Variants in TXNDC15 observed in about 807,000 individuals in gnomAD.
The protein encoded by TXNDC15 is thioredoxin domain-containing protein 15.
TXNDC15 carries 24 observed loss-of-function variants against 35.0 expected under a neutral mutation model. The observed-to-expected ratio is 0.68, with a 90% CI of 0.50 to 0.96. The LOEUF (loss-of-function observed/expected upper bound fraction) is 0.96, where lower values mean the gene tolerates loss of function less well. TXNDC15 is among the 40% of genes least tolerant of loss of function. TXNDC15 has a pLI of 0.00. For synonymous variants in TXNDC15, 169 were observed against 174.0 expected (o/e 0.97, Z 0.23); for missense variants, 385 against 453.3 (o/e 0.85, Z 1.37).
rs764903775 is a variant in TXNDC15, at chr5:134,893,493, A to G, written c.593A>G (p.Asp198Gly). 1.2e-6 allele frequency: 2 copies of G among 1,614,036 alleles called. No individual in the cohort carries two copies. The highest frequency in any genetic ancestry group is 8.5e-7 in the Non-Finnish European group (1 of 1,179,994). The change falls in exon 3 of 5, where the codon GAC becomes GGC. Residue 198 changes from aspartate (D) to glycine (G), a missense_variant and splice_region_variant. Transcript: ENST00000358387. ...FTLKILNMSQ[D>G]LMDFLNPNGS... ...TAATGCTTGTTTCTTTTACCACAGG[A>G]CCTTATGGATTTTCTGAACCCAAAC...
At chr5:134,890,003 C>A (rs1750356624) in intron 2 of TXNDC15, among the ~76,000 whole-genome samples, 1 of 152,030 alleles carries the variant, frequency 6.6e-6, no homozygotes, top group African/African-American at 2.4e-5. Context: ...GCTGACTGAT[C>A]AGGATGGTAG....
chr5:134,896,165 A>G, intron 3 of TXNDC15, 129 bp from the exon 4 acceptor site: 1 of 1,138,862 alleles, frequency 8.8e-7, no homozygotes. Context: ...CAAAAGTTTC[A>G]AGTATCAGAA....
chr5:134,874,615 G>C, intron 1 of TXNDC15, 85 bp downstream of exon 1: 1 of 1,115,274 alleles, frequency 9.0e-7, no homozygotes, highest in Non-Finnish European at 1.3e-6. Context: ...CGCGAAGGCC[G>C]GCGGTGCGCG....
chr5:134,896,710 C>G (rs1275712690), intron 4 of TXNDC15, among the ~76,000 whole-genome samples: 1 of 137,758 alleles, frequency 7.3e-6, no homozygotes, highest in African/African-American at 2.8e-5. Context: ...GTGGTGCGAT[C>G]TTGGCTCACT....
chr5:134,880,947 TTTG>T (rs1750129222), intron 1 of TXNDC15, among the ~76,000 whole-genome samples: 1 of 151,974 alleles, frequency 6.6e-6, no homozygotes, highest in South Asian at 2.1e-4. Context: ...GAGTTTGGGT[TTTG>T]TTGAGCTTCT....
intron 1 of TXNDC15, among the ~76,000 whole-genome samples, chr5:134,879,124 G>A (rs1171290330): frequency 1.3e-5 from 2 of 152,162 alleles, no homozygotes; most frequent in Non-Finnish European, 2.9e-5. Flanking sequence ...AAATGAAAAC[G>A]TTGGTACCTG....
chr5:134,881,556 G>C (rs1284680055), intron 1 of TXNDC15, among the ~76,000 whole-genome samples: 1 of 112,748 alleles, frequency 8.9e-6, no homozygotes, highest in African/African-American at 3.5e-5. Context: ...TCTTAGTACA[G>C]AACAAAATGA....
intron 1 of TXNDC15, among the ~76,000 whole-genome samples, chr5:134,878,857 G>C (rs1012527194): frequency 2.0e-5 from 3 of 152,174 alleles, no homozygotes; most frequent in Non-Finnish European, 4.4e-5. Flanking sequence ...AAAGTAGCCA[G>C]GTGTGGTGGT....
intron 1 of TXNDC15, among the ~76,000 whole-genome samples, chr5:134,885,551 G>A (rs141570355): frequency 7.9e-4 from 120 of 152,250 alleles, no homozygotes; most frequent in African/African-American, 2.5e-3. Flanking sequence ...TGTATACTTG[G>A]GGGGGCCTCT....
intron 1 of TXNDC15, 143 bp from the exon 2 acceptor site, chr5:134,887,552 G>C (rs1043349606): frequency 2.0e-6 from 2 of 1,003,444 alleles, no homozygotes; most frequent in African/African-American, 3.2e-5. Context: ...CTGGGAAATG[G>C]TGAGTAGCTC....
At chr5:134,881,810 CG>C (rs923171575) in intron 1 of TXNDC15, among the ~76,000 whole-genome samples, 3 of 139,674 alleles carry the variant, frequency 2.1e-5, no homozygotes, top group African/African-American at 8.1e-5. Context: ...GCTGGCCGGG[CG>C]GGGGGCTGAC....
intron 1 of TXNDC15, among the ~76,000 whole-genome samples, chr5:134,877,901 T>G (rs1329385649): frequency 2.0e-5 from 3 of 151,924 alleles, no homozygotes; most frequent in African/African-American, 7.3e-5. Context: ...GCTTCCTGAG[T>G]AGCTGGGATT....
chr5:134,881,705 C>T (rs1750149044), intron 1 of TXNDC15, among the ~76,000 whole-genome samples: 1 of 147,458 alleles, frequency 6.8e-6, no homozygotes, highest in African/African-American at 2.5e-5. Context: ...CTGTTGGGTA[C>T]ACCTCCCAGA....
At chr5:134,877,965 G>A (rs889368231) in intron 1 of TXNDC15, among the ~76,000 whole-genome samples, 11 of 152,104 alleles carry the variant, frequency 7.2e-5, no homozygotes, top group African/African-American at 2.4e-4. Context: ...AGTAGAGATG[G>A]GGTTTCGCCA....
intron 1 of TXNDC15, among the ~76,000 whole-genome samples, chr5:134,881,613 C>T (rs1269870211): frequency 1.5e-5 from 2 of 134,606 alleles, no homozygotes; most frequent in South Asian, 2.6e-4. Context: ...GGCAACCATC[C>T]GATTTCTCAA....
Position 134,899,693 on chromosome 5 carries a change from C to A in TXNDC15, c.*8C>A. On this transcript the variant is annotated 3_prime_UTR_variant, in exon 5 of 5. Coordinates refer to ENST00000358387, the MANE Select transcript of TXNDC15 (RefSeq NM_024715.4). ...CAGGAACATGTGGAGTAGTGATGGT[C>A]TGAAAGAAGTTGGAAAGAGGAACTT... 1 of 1,562,396 alleles carries A rather than the reference C, an allele frequency of 6.4e-7. No individual in the cohort carries two copies. Among genetic ancestry groups the A allele is most frequent in the Non-Finnish European group, 8.6e-7 (1 of 1,157,482 alleles).
intron 2 of TXNDC15, chr5:134,892,877 C>T (rs1436244959): frequency 6.6e-6 from 1 of 152,516 alleles, no homozygotes; most frequent in African/African-American, 2.4e-5. Context: ...TAGACATTTA[C>T]TGATAAAGTT....
At position 134,887,909 on chromosome 5, in the gene TXNDC15, T is replaced by G. The variant is rs777607524; in HGVS notation, c.318T>G (p.Ser106Arg). Residue 106 changes from serine to arginine, a missense_variant, in exon 2 of 5, where the codon AGT (serine) becomes AGG (arginine). By Grantham distance (110) the Ser-to-Arg change is moderately radical. Transcript: ENST00000358387. The part of the protein sequence containing the change: ...VIPGEAEDKV[S>R]SEPSGVTCGA... Reference sequence around the variant, plus strand: ...CTGGGGAAGCTGAGGACAAAGTGAGTTCAGAGCCTAGCGGCGTCACCTGTG... The same window carrying G: ...CTGGGGAAGCTGAGGACAAAGTGAGGTCAGAGCCTAGCGGCGTCACCTGTG... 3 of 1,614,100 alleles carry G rather than the reference T, an allele frequency of 1.9e-6. No homozygotes were observed. In the South Asian group the frequency reaches 3.3e-5, roughly 18 times the overall value.
At position 134,899,826 on chromosome 5, in the gene TXNDC15, A is replaced by G; in HGVS notation, c.*141A>G. The G allele has an allele frequency of 3.0e-6, 2 of 676,216 alleles. No individual in the cohort carries two copies. The highest frequency in any genetic ancestry group is 2.8e-5 in the South Asian group (1 of 35,110). 41.9% of individuals were successfully genotyped at this position (676,216 alleles called of 1,614,324 possible). A position where few individuals can be genotyped will look rare whatever the true frequency, so the allele number is the denominator to read the frequency against. On this transcript the variant is annotated 3_prime_UTR_variant, in exon 5 of 5. Transcript: ENST00000358387. ...AAAGAATCATTTGTTGAACAACTGAATGTATAAAAAAATTATAAACTGGTG... is the reference window on the plus strand; with the variant it reads ...AAAGAATCATTTGTTGAACAACTGAGTGTATAAAAAAATTATAAACTGGTG...
Sources: allele counts gnomAD v4.1 joint callset (sites outside exome capture counted in the v4.1 genomes callset), GRCh38; gene constraint gnomAD v4.1.1; transcripts MANE v1.5; gene names NCBI Gene and HGNC (gene_info 2026-07-23, HGNC 2026-07-21).